CAMTA1: variants seen among roughly 807,000 people sequenced by gnomAD.
CAMTA1 encodes calmodulin-binding transcription activator 1.
CAMTA1 carries 27 observed loss-of-function variants against 170.9 expected under a neutral mutation model. The ratio of observed to expected loss-of-function variants is 0.16; its 90% CI spans 0.12 to 0.22. The LOEUF is 0.22. Among genes scored for constraint, CAMTA1 ranks in the 10% least tolerant of loss-of-function variants. The probability of loss-of-function intolerance (pLI) is 1.00; values close to 1 mark genes in which losing one functional copy is unlikely to be tolerated. For synonymous variants in CAMTA1, 833 were observed against 891.5 expected (o/e 0.93, Z 1.17); for missense variants, 1,619 against 2,217.2 (o/e 0.73, Z 5.42).
intron 11 of CAMTA1, among the ~76,000 whole-genome samples, chr1:7,690,569 C>T (rs1421064097): frequency 6.6e-6 from 1 of 152,242 alleles, no homozygotes; most frequent in Non-Finnish European, 1.5e-5. Flanking sequence ...ACATGGCAGA[C>T]TTCTGAGCCA....
In CAMTA1 at chr1:7,403,875, A is replaced by G. The variant is rs147845866; in HGVS notation, c.439-63955A>G. Among the ~76,000 whole-genome samples, 73 of 152,182 alleles carry G rather than the reference A, an allele frequency of 4.8e-4. 1 individual carries two copies. In the East Asian group the frequency reaches 0.013, roughly 27 times the overall value. On this transcript the variant is annotated intron_variant, in intron 5 of 22. Coordinates refer to ENST00000303635, the MANE Select transcript of CAMTA1 (RefSeq NM_015215.4). The stretch of plus-strand genomic sequence containing the variant: ...AGGACTAGTCATTTTACAAGTGAGG[A>G]AATGGGTGCAGGGAGGCAAAGGAGC...
intron 6 of CAMTA1, among the ~76,000 whole-genome samples, chr1:7,520,491 T>C (rs12239260): frequency 0.79 from 119,238 of 150,736 alleles, 47,686 homozygotes; most frequent in African/African-American, 0.91. Context: ...CCATCCATCA[T>C]GAGTGCCACA....
intron 6 of CAMTA1, among the ~76,000 whole-genome samples, chr1:7,631,708 G>A (rs2095670393): frequency 6.6e-6 from 1 of 152,288 alleles, no homozygotes; most frequent in Middle Eastern, 3.4e-3. Context: ...AGCAGCAGGC[G>A]CCCGCGTGCC....
At chr1:7,474,033 AC>A (rs1237433893) in intron 6 of CAMTA1, among the ~76,000 whole-genome samples, 1 of 151,944 alleles carries the variant, frequency 6.6e-6, no homozygotes, top group Non-Finnish European at 1.5e-5. Context: ...TTCCGGGGCC[AC>A]CCCCCTGGAC....
chr1:7,280,488 T>C (rs1671350347), intron 5 of CAMTA1, among the ~76,000 whole-genome samples: 1 of 152,178 alleles, frequency 6.6e-6, no homozygotes, highest in Non-Finnish European at 1.5e-5. Flanking sequence ...CTGAGTGTAA[T>C]GGTGGCAGGA....
intron 3 of CAMTA1, among the ~76,000 whole-genome samples, chr1:6,963,032 C>T (rs1417760520): frequency 6.7e-6 from 1 of 150,088 alleles, no homozygotes; most frequent in African/African-American, 2.4e-5. Flanking sequence ...TGGCAGACCC[C>T]ATTCTCCATT....
At position 7,050,816 on chromosome 1, in the gene CAMTA1, G is replaced by C. The variant is rs1373463165; in HGVS notation, c.235-40488G>C. 6.6e-6 allele frequency among the ~76,000 whole-genome samples: 1 copy of C among 152,126 alleles called. No individual in the cohort carries two copies. On this transcript the variant is annotated intron_variant, in intron 3 of 22. Coordinates refer to ENST00000303635, the MANE Select transcript of CAMTA1 (RefSeq NM_015215.4). This position sits in a 1 kb window ranked among gnomAD's most constrained non-coding sequence, Gnocchi z 4.8. The stretch of plus-strand genomic sequence containing the variant: ...AGGGTGAGGCAGGCGGAGAAGAGGG[G>C]ACTCTGGGAAGGAGAAATGGGAACA...
rs377322614 is a variant in CAMTA1 at position 7,020,071 on chromosome 1, C to T, written c.235-71233C>T. 2.1e-3 allele frequency among the ~76,000 whole-genome samples: 315 copies of T among 152,286 alleles called. 6 individuals are homozygous for T. The highest frequency in any genetic ancestry group is 0.018 in the South Asian group (87 of 4,816). ...GGGCTGCCTGTTTCTCCAGGAGGGC[C>T]GTGATGGCACATTTGTGTCAATATT... On this transcript the variant is annotated intron_variant, in intron 3 of 22. Coordinates refer to ENST00000303635, the MANE Select transcript of CAMTA1 (RefSeq NM_015215.4).
chr1:7,630,407 A>G (rs2095661200), intron 6 of CAMTA1, among the ~76,000 whole-genome samples: 1 of 152,128 alleles, frequency 6.6e-6, no homozygotes, highest in African/African-American at 2.4e-5. Context: ...TTTTTCCTAC[A>G]CTACCTTTGG....
intron 4 of CAMTA1, among the ~76,000 whole-genome samples, chr1:7,125,625 G>A (rs1262832603): frequency 1.3e-5 from 2 of 152,190 alleles, no homozygotes; most frequent in Non-Finnish European, 2.9e-5. Flanking sequence ...AGGGACAAGG[G>A]CATTTCAGGT....
chr1:7,404,090 G>A (rs550871843), intron 5 of CAMTA1, among the ~76,000 whole-genome samples: 5 of 152,294 alleles, frequency 3.3e-5, no homozygotes, highest in African/African-American at 1.2e-4. Context: ...ATATGGGTGG[G>A]TGGTTTTATC....
rs540659549 is a variant in CAMTA1 at position 7,161,019 on chromosome 1, C to A, written c.302+69648C>A. On this transcript the variant is annotated intron_variant, in intron 4 of 22. Coordinates refer to ENST00000303635, the MANE Select transcript of CAMTA1 (RefSeq NM_015215.4). ...GTTCCATGATCTCTTTCCTGTATTG[C>A]TGCAAAGGCTTCTTCCTCTTCTCCT... Among the ~76,000 whole-genome samples the A allele has an allele frequency of 5.9e-5, 9 of 152,280 alleles. No individual in the cohort carries two copies. In the South Asian group the frequency reaches 1.9e-3, roughly 32 times the overall value.
chr1:7,714,277 A>G (rs1208092148), intron 11 of CAMTA1, among the ~76,000 whole-genome samples: 1 of 152,184 alleles, frequency 6.6e-6, no homozygotes, highest in African/African-American at 2.4e-5. Context: ...TTCCTTCAAG[A>G]AATTTAGAAC....
rs1709097340 is a variant in CAMTA1, at chr1:7,067,395, C to T, written c.235-23909C>T. On this transcript the variant is annotated intron_variant, in intron 3 of 22. Transcript: ENST00000303635. This position sits in a 1 kb window ranked among gnomAD's most constrained non-coding sequence, Gnocchi z 4.3. ...TTTCTTTAAACAGGCTTCAATGCAA[C>T]CAATTAGGTTCTTACTTGCTGAATT... is the stretch of plus-strand genomic sequence containing the variant. Among the ~76,000 whole-genome samples, 1 of 151,464 alleles carries T rather than the reference C, an allele frequency of 6.6e-6. No homozygotes were observed. The highest frequency in any genetic ancestry group is 2.4e-5 in the African/African-American group (1 of 40,920).
At chr1:6,967,159 T>C (rs755240977) in intron 3 of CAMTA1, among the ~76,000 whole-genome samples, 10 of 151,862 alleles carry the variant, frequency 6.6e-5, no homozygotes, top group Non-Finnish European at 1.0e-4. Flanking sequence ...GAGAATTGCT[T>C]GAACCCAGGA....
At chr1:7,574,210 G>A (rs187823950) in intron 6 of CAMTA1, among the ~76,000 whole-genome samples, 19 of 152,322 alleles carry the variant, frequency 1.2e-4, no homozygotes, top group African/African-American at 4.3e-4. Flanking sequence ...ACCATGTGCC[G>A]AGCTCTGAGC....
At position 7,144,916 on chromosome 1, in the gene CAMTA1, T is replaced by C. The variant is rs775569720; in HGVS notation, c.302+53545T>C. Among the ~76,000 whole-genome samples, 1 of 152,276 alleles carries C rather than the reference T, an allele frequency of 6.6e-6. No homozygotes were observed. The highest frequency in any genetic ancestry group is 1.5e-5 in the Non-Finnish European group (1 of 68,050). On this transcript the variant is annotated intron_variant, in intron 4 of 22. Coordinates refer to ENST00000303635, the MANE Select transcript of CAMTA1 (RefSeq NM_015215.4). This position sits in a 1 kb window ranked among gnomAD's most constrained non-coding sequence, Gnocchi z 4.0. ...CTGGTGAGGCAGCACTTGCTTTTTC[T>C]TCCCATGTTACAAATGCAGACAGGA...
At chr1:7,432,601 C>T (rs947679) in intron 5 of CAMTA1, among the ~76,000 whole-genome samples, 10,936 of 152,212 alleles carry the variant, frequency 0.072, 669 homozygotes, top group East Asian at 0.27. Flanking sequence ...GGGGCCAGGG[C>T]CAGTGCTCTG....
rs572528284 is a variant in CAMTA1, at chr1:7,570,362, C to T, written c.511-70038C>T. Among the ~76,000 whole-genome samples, 263 of 152,248 alleles carry T rather than the reference C, an allele frequency of 1.7e-3. No individual in the cohort carries two copies. The highest frequency in any genetic ancestry group is 5.9e-3 in the African/African-American group (245 of 41,528). Reference sequence around the variant, plus strand: ...GAATTGGGGCCCTTTCAGAGAGGGCCGGAGAACTTATTGCTTAAGCTGGAA... The same window carrying T: ...GAATTGGGGCCCTTTCAGAGAGGGCTGGAGAACTTATTGCTTAAGCTGGAA... On this transcript the variant is annotated intron_variant, in intron 6 of 22. Coordinates refer to ENST00000303635, the MANE Select transcript of CAMTA1 (RefSeq NM_015215.4). This position sits in a 1 kb window ranked among gnomAD's most constrained non-coding sequence, Gnocchi z 4.3.
Sources: allele counts gnomAD v4.1 joint callset (sites outside exome capture counted in the v4.1 genomes callset), GRCh38; gene constraint gnomAD v4.1.1; non-coding constraint Gnocchi (gnomAD v3.1); transcripts MANE v1.5; gene names NCBI Gene and HGNC (gene_info 2026-07-23, HGNC 2026-07-21).